ODC1: variants seen among roughly 807,000 people sequenced by gnomAD.
ODC1 encodes the protein ornithine decarboxylase.
ODC1 carries 18 observed loss-of-function variants against 41.5 expected under a neutral mutation model. The observed-to-expected ratio is 0.43, with a 90% CI of 0.30 to 0.64. The LOEUF (loss-of-function observed/expected upper bound fraction) is 0.64, where lower values mean the gene tolerates loss of function less well. Ranked by LOEUF, ODC1 falls within the 30% of genes least tolerant of loss-of-function variation. The pLI is 0.11. For missense variants in ODC1, 504 were observed against 589.0 expected, an observed-to-expected ratio of 0.86 and a Z score of 1.49; for synonymous variants, 218 against 211.6, an observed-to-expected ratio of 1.03 and a Z score of -0.26.
intron 8 of ODC1, 139 bp from the exon 9 acceptor site, chr2:10,442,313 C>A: frequency 2.3e-6 from 2 of 861,548 alleles, no homozygotes; most frequent in Non-Finnish European, 3.5e-6. Flanking sequence ...GTAACAAAAG[C>A]AAAAAAACAT....
Position 10,443,636 on chromosome 2 carries a change from G to A in ODC1, c.585-65C>T, listed in dbSNP as rs143840340. On this transcript the variant is annotated intron_variant, in intron 6 of 11. Transcript: ENST00000234111. ...TTTCTTAAAATAATAGCAAACACTA[G>A]GAGAAAGCCTGTAAAACTCAAACTG... 8.9e-4 allele frequency: 1,431 copies of A among 1,606,688 alleles called. 9 individuals carry two copies. The African/African-American group carries it at 0.016, about 18-fold the overall frequency.
At chr2:10,446,131 T>C (rs1672003939) in intron 1 of ODC1, among the ~76,000 whole-genome samples, 1 of 131,476 alleles carries the variant, frequency 7.6e-6, no homozygotes, top group Admixed American at 7.2e-5. Context: ...CAGAATTCAG[T>C]ATTTTTTTTT....
intron 1 of ODC1, chr2:10,447,842 C>G (rs1049120758): frequency 2.6e-5 from 4 of 152,382 alleles, no homozygotes; most frequent in Admixed American, 2.6e-4. Context: ...GAGGCCGGCG[C>G]GGGGCCGCAG....
At position 10,441,607 on chromosome 2, in the gene ODC1, C is replaced by T. The variant is rs1348369745; in HGVS notation, c.1143G>A (p.Met381Ile). The T allele has an allele frequency of 6.2e-7, 1 of 1,614,236 alleles. No individual in the cohort carries two copies. The highest frequency in any genetic ancestry group is 1.1e-5 in the South Asian group (1 of 91,090). ...DLPEMHVGDW[M>I]LFENMGAYTV... Reference sequence around the variant, plus strand: ...TGTAAGCGCCCATGTTTTCAAAGAGCATCCAATCACCCACATGCATTTCAG... The same window carrying T: ...TGTAAGCGCCCATGTTTTCAAAGAGTATCCAATCACCCACATGCATTTCAG... The change falls in exon 11 of 12, where the codon ATG becomes ATA. Residue 381 changes from methionine (M) to isoleucine (I), a missense_variant. Met to Ile is a conservative substitution (Grantham distance 10). This residue lies in a region of ODC1 where 447 missense variants were observed against 524.4 expected (regional missense o/e 0.85). Coordinates refer to ENST00000234111, the MANE Select transcript of ODC1 (RefSeq NM_002539.3).
intron 1 of ODC1, chr2:10,446,613 T>A: frequency 4.3e-6 from 1 of 231,348 alleles, no homozygotes; most frequent in South Asian, 4.2e-5. Context: ...AAAGCCACTG[T>A]ATTTTGCTTT....
intron 11 of ODC1, 92 bp from the exon 12 acceptor site, chr2:10,440,960 A>AT (rs111950270): frequency 0.079 from 84,343 of 1,064,028 alleles, 17 homozygotes; most frequent in Non-Finnish European, 0.085. Context: ...AATTCAATGT[A>AT]TTTTTTTTTT....
rs373311476 is a variant in ODC1, at chr2:10,441,738, G to A, written c.1027-15C>T. 77 of 1,611,468 alleles carry A rather than the reference G, an allele frequency of 4.8e-5. No individual in the cohort carries two copies. Among genetic ancestry groups the A allele is most frequent in the East Asian group, 8.9e-5 (4 of 44,886 alleles). On this transcript the variant is annotated splice_polypyrimidine_tract_variant and intron_variant, in intron 10 of 11. Transcript: ENST00000234111. ...GGTTTAGGTCTCTATATAAAGAGAC[G>A]GAGAGAGGAAGTACTACTTAATTAC...
chr2:10,446,094 A>G lies in ODC1; in HGVS notation c.-127-830T>C, dbSNP rs565569114. ...TGTAATCTTCAAGTCAACTTATCAC[A>G]TTGTATTACAGTTGCTGTTACCTGA... On this transcript the variant is annotated intron_variant, in intron 1 of 11. Coordinates refer to ENST00000234111, the MANE Select transcript of ODC1 (RefSeq NM_002539.3). Among the ~76,000 whole-genome samples the G allele has an allele frequency of 8.0e-5, 12 of 150,644 alleles. No homozygotes were observed. In the East Asian group the frequency reaches 1.4e-3, roughly 17 times the overall value.
rs1553368127 is a variant in ODC1, at chr2:10,448,278, T to TGGCAGAGG, written c.-293_-286dup. 1 of 238,906 alleles carries TGGCAGAGG rather than the reference T, an allele frequency of 4.2e-6. No homozygotes were observed. Among genetic ancestry groups the TGGCAGAGG allele is most frequent in the Non-Finnish European group, 8.0e-6 (1 of 124,614 alleles). 14.8% of individuals were successfully genotyped at this position (238,906 alleles called of 1,614,324 possible). A position where few individuals can be genotyped will look rare whatever the true frequency, so the allele number is the denominator to read the frequency against. ...CGGCCCGAGGTGGCGCCGGAGCTGCTGGCAGAGGGGCGGCGGGCGGCGGCG... is the reference window on the plus strand; with the variant it reads ...CGGCCCGAGGTGGCGCCGGAGCTGCTGGCAGAGGGGCAGAGGGGCGGCGGGCGGCGGCG... On this transcript the variant is annotated 5_prime_UTR_variant, in exon 1 of 12. Coordinates refer to ENST00000234111, the MANE Select transcript of ODC1 (RefSeq NM_002539.3).
chr2:10,444,830 C>T (rs1671954954), intron 3 of ODC1, 101 bp downstream of exon 3: 1 of 916,672 alleles, frequency 1.1e-6, no homozygotes, highest in Non-Finnish European at 1.7e-6. Context: ...CATTCCATAA[C>T]AAGACATGTA....
At position 10,443,686 on chromosome 2, in the gene ODC1, C is replaced by T; in HGVS notation, c.584+16G>A. The stretch of plus-strand genomic sequence containing the variant: ...GTTCAATGTCTTGACCTCTAGCTAT[C>T]CCACCAAAATCTCACCTGACACCAA... On this transcript the variant is annotated intron_variant, in intron 6 of 11. Coordinates refer to ENST00000234111, the MANE Select transcript of ODC1 (RefSeq NM_002539.3). The T allele has an allele frequency of 6.2e-7, 1 of 1,613,460 alleles. No homozygotes were observed.
At chr2:10,440,949 C>T in intron 11 of ODC1, 81 bp from the exon 12 acceptor site, 6 of 1,470,184 alleles carry the variant, frequency 4.1e-6, no homozygotes, top group African/African-American at 1.4e-5. Flanking sequence ...CATCAGGAAA[C>T]AATTCAATGT....
At chr2:10,440,927 G>A in intron 11 of ODC1, 59 bp from the exon 12 acceptor site, 1 of 1,565,234 alleles carries the variant, frequency 6.4e-7, no homozygotes, top group Non-Finnish European at 8.7e-7. Flanking sequence ...GGGCATGAGA[G>A]TATTTACTTC....
Position 10,441,578 on chromosome 2 carries a change from A to T in ODC1, c.1172T>A (p.Val391Asp). The T allele has an allele frequency of 6.2e-7, 1 of 1,614,236 alleles. No individual in the cohort carries two copies. The highest frequency in any genetic ancestry group is 8.5e-7 in the Non-Finnish European group (1 of 1,180,042). Residue 391 changes from valine to aspartate, a missense_variant, in exon 11 of 12, where the codon GTT (valine) becomes GAT (aspartate). Around this residue, in one of 3 missense-constraint regions of ODC1, gnomAD observed 447 missense variants for 524.4 expected, o/e 0.85. Transcript: ENST00000234111. Reference sequence around the variant, plus strand: ...GCCATTGAACGTAGAGGCAGCAGCAACAGTGTAAGCGCCCATGTTTTCAAA... The same window carrying T: ...GCCATTGAACGTAGAGGCAGCAGCATCAGTGTAAGCGCCCATGTTTTCAAA... ...MLFENMGAYT[V>D]AAASTFNGFQ... is the part of the protein sequence containing the mutation.
chr2:10,446,258 C>T (rs890714927), intron 1 of ODC1, among the ~76,000 whole-genome samples: 2 of 152,068 alleles, frequency 1.3e-5, no homozygotes, highest in African/African-American at 4.8e-5. Flanking sequence ...CTCAGTCTCC[C>T]GAGTAGCTGG....
chr2:10,445,743 C>A (rs28362385), intron 1 of ODC1, among the ~76,000 whole-genome samples: 1 of 152,258 alleles, frequency 6.6e-6, no homozygotes, highest in African/African-American at 2.4e-5. Context: ...TCAAGCGATT[C>A]TCCTGCCTCA....
rs575795767 is a variant in ODC1 at position 10,440,956 on chromosome 2, A to G, written c.1242-88T>C. The G allele has an allele frequency of 4.8e-6, 7 of 1,471,808 alleles. No homozygotes were observed. In the South Asian group the frequency reaches 9.1e-5, roughly 19 times the overall value. 91.2% of individuals were successfully genotyped at this position (1,471,808 alleles called of 1,614,324 possible). A position where few individuals can be genotyped will look rare whatever the true frequency, so the allele number is the denominator to read the frequency against. On this transcript the variant is annotated intron_variant, in intron 11 of 11. Coordinates refer to ENST00000234111, the MANE Select transcript of ODC1 (RefSeq NM_002539.3). ...TTACTTCCCATCAGGAAACAATTCA[A>G]TGTATTTTTTTTTTTTCTGAGACAG...
chr2:10,443,141 G>GT, intron 8 of ODC1, 89 bp downstream of exon 8: 1 of 954,398 alleles, frequency 1.0e-6, no homozygotes, highest in Non-Finnish European at 1.7e-6. Flanking sequence ...GCCCATTGTG[G>GT]TATTAGTTAA....
At chr2:10,444,061 C>T (rs1671930742) in intron 5 of ODC1, 34 bp downstream of exon 5, 7 of 1,550,484 alleles carry the variant, frequency 4.5e-6, no homozygotes, top group Non-Finnish European at 6.1e-6. Flanking sequence ...ATCTTATGCT[C>T]CCGATCTTGC....
Sources: gnomAD v4.1 joint callset for allele counts (sites outside exome capture counted in the v4.1 genomes callset) on GRCh38, gnomAD v4.1.1 for gene constraint, gnomAD v4.1.1 regional missense constraint, MANE v1.5 for transcripts, NCBI Gene and HGNC (gene_info 2026-07-23, HGNC 2026-07-21) for gene names.